LINGO2: variants seen among roughly 807,000 people sequenced by gnomAD.
The protein encoded by LINGO2 is leucine rich repeat and Ig domain containing 2, also known as leucine-rich repeat and immunoglobulin-like domain-containing nogo receptor-interacting protein 2.
LINGO2 carries 14 observed loss-of-function variants against 30.6 expected under a neutral mutation model. The observed-to-expected ratio is 0.46, with a 90% CI of 0.30 to 0.72. The LOEUF is 0.72. Among genes scored for constraint, LINGO2 ranks in the 30% least tolerant of loss-of-function variants. The pLI is 0.07. For missense variants in LINGO2, 729 were observed against 751.7 expected (o/e 0.97, Z 0.35); for synonymous variants, 317 against 288.5 (o/e 1.10, Z -1.00).
chr9:28,530,672 TA>T (rs1821198523), intron 1 of LINGO2, among the ~76,000 whole-genome samples: 1 of 152,114 alleles, frequency 6.6e-6, no homozygotes, highest in African/African-American at 2.4e-5. Context: ...TTTCAATCAC[TA>T]AAATAAAAAT....
chr9:28,871,807 T>G, the LINGO2 span, among the ~76,000 whole-genome samples: 2 of 152,118 alleles, frequency 1.3e-5, no homozygotes, highest in Non-Finnish European at 1.5e-5. Flanking sequence ...TGTTGGAGCC[T>G]TACCTTCTTA....
At chr9:29,054,737 A>G in the LINGO2 span, among the ~76,000 whole-genome samples, 9 of 152,218 alleles carry the variant, frequency 5.9e-5, no homozygotes, top group African/African-American at 1.9e-4. Context: ...TAGAATATCC[A>G]TTGGTGAAAA....
intron 1 of LINGO2, among the ~76,000 whole-genome samples, chr9:28,638,546 G>C (rs1827402100): frequency 6.6e-6 from 1 of 152,090 alleles, no homozygotes; most frequent in African/African-American, 2.4e-5. Context: ...GTTTAGTCTT[G>C]GGAGGGGGTA....
At position 28,505,249 on chromosome 9, in the gene LINGO2, T is replaced by C. The variant is rs1820062291; in HGVS notation, c.-364-29224A>G. On this transcript the variant is annotated intron_variant, in intron 1 of 5. Transcript: ENST00000379992. Reference sequence around the variant, plus strand: ...GGGGAAAATATGAGACATTTTTTCATGGAACAAAGGAGACTCTCAAAATAA... The same window carrying C: ...GGGGAAAATATGAGACATTTTTTCACGGAACAAAGGAGACTCTCAAAATAA... 4.6e-5 allele frequency among the ~76,000 whole-genome samples: 7 copies of C among 151,832 alleles called. 1 individual carries two copies. The South Asian group carries it at 1.5e-3, about 31-fold the overall frequency.
intron 1 of LINGO2, among the ~76,000 whole-genome samples, chr9:28,486,064 A>G (rs967870090): frequency 2.6e-5 from 4 of 152,114 alleles, no homozygotes; most frequent in African/African-American, 9.7e-5. Flanking sequence ...GAAAAGGCAC[A>G]TACTCTCGGA....
chr9:29,005,616 T>A, the LINGO2 span, among the ~76,000 whole-genome samples: 5 of 152,078 alleles, frequency 3.3e-5, no homozygotes, highest in African/African-American at 7.2e-5. Flanking sequence ...CCCCTCCGTA[T>A]ACACAGGGAA....
At chr9:29,064,904 A>T in the LINGO2 span, among the ~76,000 whole-genome samples, 1 of 152,104 alleles carries the variant, frequency 6.6e-6, no homozygotes, top group Non-Finnish European at 1.5e-5. Context: ...ATGAAGTATG[A>T]CAGGCTTAGA....
At chr9:28,069,361 C>T (rs1184232434) in intron 4 of LINGO2, among the ~76,000 whole-genome samples, 1 of 152,120 alleles carries the variant, frequency 6.6e-6, no homozygotes, top group Non-Finnish European at 1.5e-5. Context: ...CAAGCATAGA[C>T]ATACTATGAA....
At chr9:28,781,412 A>T in the LINGO2 span, among the ~76,000 whole-genome samples, 2 of 152,228 alleles carry the variant, frequency 1.3e-5, no homozygotes, top group South Asian at 4.1e-4. Flanking sequence ...AGAGGAAGAC[A>T]GGCAGAAGCT....
intron 3 of LINGO2, among the ~76,000 whole-genome samples, chr9:28,323,278 ATATAAC>A (rs1825112140): frequency 6.6e-6 from 1 of 152,152 alleles, no homozygotes; most frequent in Non-Finnish European, 1.5e-5. Flanking sequence ...GTGCCTTTTG[ATATAAC>A]TATATTTGCT....
intron 1 of LINGO2, among the ~76,000 whole-genome samples, chr9:28,588,128 G>A (rs141195094): frequency 2.9e-4 from 44 of 152,108 alleles, no homozygotes; most frequent in African/African-American, 1.0e-3. Flanking sequence ...GGGCTAGAAA[G>A]TGACTTGTCC....
chr9:28,749,500 G>A, the LINGO2 span, among the ~76,000 whole-genome samples: 576 of 152,056 alleles, frequency 3.8e-3, 5 homozygotes, highest in Admixed American at 5.6e-3. Context: ...TCATTTATAA[G>A]TCAAATTGTC....
At chr9:28,588,564 G>A (rs1448204959) in intron 1 of LINGO2, among the ~76,000 whole-genome samples, 2 of 151,634 alleles carry the variant, frequency 1.3e-5, no homozygotes, top group African/African-American at 4.8e-5. Context: ...ATCAGCAGCT[G>A]GAGTCACAAA....
rs74445998 is a variant in LINGO2 at position 28,619,937 on chromosome 9, C to T, written c.-365+50263G>A. On this transcript the variant is annotated intron_variant, in intron 1 of 5. Coordinates refer to ENST00000379992, the Ensembl canonical transcript of LINGO2. ...ACAAAAACTGAAACACAGAATGCTG[C>T]CCAGAATCTTGAGAAATTTGTACTT... Among the ~76,000 whole-genome samples, 1,443 of 151,694 alleles carry T rather than the reference C, an allele frequency of 9.5e-3. 28 individuals carry two copies. Among genetic ancestry groups the T allele is most frequent in the East Asian group, 0.082 (422 of 5,124 alleles).
chr9:28,973,912 A>T, the LINGO2 span, among the ~76,000 whole-genome samples: 1 of 152,222 alleles, frequency 6.6e-6, no homozygotes. Flanking sequence ...CTTCAATCAG[A>T]AGAAACGAAC....
chr9:28,755,170 A>C, the LINGO2 span, among the ~76,000 whole-genome samples: 1 of 152,198 alleles, frequency 6.6e-6, no homozygotes, highest in African/African-American at 2.4e-5. Context: ...TATACTTTTT[A>C]TTAGAATAAA....
At chr9:28,283,615 T>A (rs577153049) in intron 4 of LINGO2, among the ~76,000 whole-genome samples, 1 of 152,110 alleles carries the variant, frequency 6.6e-6, no homozygotes. Flanking sequence ...AAAAAGAGGA[T>A]ACTTTGGGAG....
At chr9:28,508,597 T>A (rs1820246764) in intron 1 of LINGO2, among the ~76,000 whole-genome samples, 1 of 152,152 alleles carries the variant, frequency 6.6e-6, no homozygotes, top group Admixed American at 6.6e-5. Flanking sequence ...CTGGAATTAG[T>A]CTTTTGTTAA....
chr9:28,465,021 C>T (rs565057748), intron 2 of LINGO2, among the ~76,000 whole-genome samples: 71 of 152,312 alleles, frequency 4.7e-4, no homozygotes, highest in African/African-American at 1.6e-3. Flanking sequence ...CGCCGCCCCC[C>T]CGCCCCACAT....
Sources: allele counts gnomAD v4.1 joint callset (sites outside exome capture counted in the v4.1 genomes callset), GRCh38; gene constraint gnomAD v4.1.1; transcripts MANE v1.5; gene names NCBI Gene and HGNC (gene_info 2026-07-23, HGNC 2026-07-21).